The following DGKB variants were observed in gnomAD, a reference collection of about 807,000 sequenced individuals.
The protein encoded by DGKB is diacylglycerol kinase beta, also known as 90 kDa diacylglycerol kinase.
DGKB carries 67 observed loss-of-function variants against 114.3 expected under a neutral mutation model. The observed-to-expected ratio is 0.59, with a 90% CI of 0.48 to 0.72. The LOEUF (loss-of-function observed/expected upper bound fraction) is 0.72, where lower values mean the gene tolerates loss of function less well. Ranked by LOEUF, DGKB falls within the 30% of genes least tolerant of loss-of-function variation. DGKB has a pLI of 0.00. For synonymous variants in DGKB, 398 were observed against 323.1 expected (o/e 1.23, Z -2.49); for missense variants, 907 against 975.2 (o/e 0.93, Z 0.93).
rs147922240 is a variant in DGKB at position 14,954,205 on chromosome 7, G to A, written c.-188+20491C>T. 5.3e-5 allele frequency among the ~76,000 whole-genome samples: 8 copies of A among 152,118 alleles called. No homozygotes were observed. The East Asian group carries it at 9.7e-4, about 18-fold the overall frequency. On this transcript the variant is annotated intron_variant, in intron 1 of 4. Transcript: ENST00000437998. ...GTCTTCTCTACCTTCAAACTGAATG[G>A]TTCATTCCGTGCTGAGATTCTGCAT...
At chr7:14,400,224 T>C (rs1029426616) in intron 21 of DGKB, among the ~76,000 whole-genome samples, 2 of 151,846 alleles carry the variant, frequency 1.3e-5, no homozygotes, top group African/African-American at 4.8e-5. Context: ...TAATGCATGT[T>C]CAGTAAATAG....
At chr7:14,862,106 T>C (rs1851063264) in intron 1 of DGKB, among the ~76,000 whole-genome samples, 1 of 152,020 alleles carries the variant, frequency 6.6e-6, no homozygotes, top group South Asian at 2.1e-4. Context: ...CCTTAACTAT[T>C]AATGAACTTG....
At chr7:14,948,913 G>T (rs11980918) in intron 1 of DGKB, among the ~76,000 whole-genome samples, 10,264 of 151,552 alleles carry the variant, frequency 0.068, 1,149 homozygotes, top group African/African-American at 0.23. Context: ...TATGCCAAAA[G>T]ATTTGCATTT....
intron 25 of DGKB, 28 bp from the exon 26 acceptor site, chr7:14,149,266 G>C: frequency 1.4e-6 from 2 of 1,446,040 alleles, no homozygotes; most frequent in Non-Finnish European, 1.9e-6. Context: ...GAGAGAGAGA[G>C]AAAGAATAGA....
intron 23 of DGKB, among the ~76,000 whole-genome samples, chr7:14,204,657 A>G (rs1786463194): frequency 6.6e-6 from 1 of 152,034 alleles, no homozygotes; most frequent in Non-Finnish European, 1.5e-5. Flanking sequence ...GTGCCTAGTC[A>G]ACTGGCTAAA....
In DGKB at chr7:14,753,837, G is replaced by A. The variant is rs1834464736; in HGVS notation, c.168+91C>T. The A allele has an allele frequency of 8.4e-6, 7 of 831,982 alleles. No homozygotes were observed. In the South Asian group the frequency reaches 8.8e-5, roughly 11 times the overall value. The allele number at this position is 831,982 out of a possible 1,614,324, so 51.5% of individuals were successfully genotyped here. A position where few individuals can be genotyped will look rare whatever the true frequency, so the allele number is the denominator to read the frequency against. On this transcript the variant is annotated intron_variant, in intron 4 of 25. Transcript: ENST00000402815. Reference sequence around the variant, plus strand: ...CTATAGAAATCATATTGGTACAGAAGTATAGTTCAGTGATATGGATGAGAA... The same window carrying A: ...CTATAGAAATCATATTGGTACAGAAATATAGTTCAGTGATATGGATGAGAA...
At chr7:14,862,331 CTT>C (rs1329204913) in intron 1 of DGKB, among the ~76,000 whole-genome samples, 1 of 152,042 alleles carries the variant, frequency 6.6e-6, no homozygotes, top group Non-Finnish European at 1.5e-5. Flanking sequence ...ATGTTACCCT[CTT>C]ATCAAATTTC....
chr7:14,555,755 C>T (rs1414368738), intron 20 of DGKB, among the ~76,000 whole-genome samples: 3 of 152,168 alleles, frequency 2.0e-5, no homozygotes, highest in African/African-American at 7.2e-5. Flanking sequence ...CCAAAACCCA[C>T]CAAAACCAAG....
chr7:14,815,558 G>T (rs920171977), intron 2 of DGKB, among the ~76,000 whole-genome samples: 2 of 152,126 alleles, frequency 1.3e-5, no homozygotes, highest in African/African-American at 4.8e-5. Flanking sequence ...TTACATAGGT[G>T]CTATGGCACA....
chr7:14,869,509 G>A (rs967092746), intron 1 of DGKB, among the ~76,000 whole-genome samples: 2 of 151,852 alleles, frequency 1.3e-5, no homozygotes, highest in Non-Finnish European at 2.9e-5. Context: ...GTGCTATCAT[G>A]GTATTTTTTA....
chr7:14,643,429 G>T (rs189585357), intron 13 of DGKB, among the ~76,000 whole-genome samples: 2 of 152,240 alleles, frequency 1.3e-5, no homozygotes, highest in East Asian at 1.9e-4. Context: ...TTATTTTGAG[G>T]GAAGAACCAT....
chr7:14,603,329 T>C (rs1004038233), intron 17 of DGKB, among the ~76,000 whole-genome samples: 1 of 152,106 alleles, frequency 6.6e-6, no homozygotes, highest in African/African-American at 2.4e-5. Flanking sequence ...AAATTTTTTA[T>C]TTTTGAAATT....
At chr7:14,717,106 T>G (rs1828322852) in intron 6 of DGKB, among the ~76,000 whole-genome samples, 1 of 152,206 alleles carries the variant, frequency 6.6e-6, no homozygotes, top group Non-Finnish European at 1.5e-5. Context: ...GAGTCAACAT[T>G]CTATCTGCAA....
intron 13 of DGKB, among the ~76,000 whole-genome samples, chr7:14,647,282 G>C (rs968011643): frequency 1.3e-5 from 2 of 151,890 alleles, no homozygotes; most frequent in African/African-American, 4.8e-5. Context: ...AATCTGAACA[G>C]ACCAATTACA....
rs148482669 is a variant in DGKB, at chr7:14,585,649, T to C, written c.1434-2512A>G. On this transcript the variant is annotated intron_variant, in intron 17 of 25. Transcript: ENST00000402815. ...CATACCTCATTGTATTACTCTTTAT[T>C]GAGTTTAGCAGATACTGCATTTTTT... Among the ~76,000 whole-genome samples, 589 of 152,320 alleles carry C rather than the reference T, an allele frequency of 3.9e-3. 4 individuals are homozygous for C. The highest frequency in any genetic ancestry group is 5.6e-3 in the South Asian group (27 of 4,824).
At chr7:14,940,343 CTT>C (rs35621459) in intron 1 of DGKB, among the ~76,000 whole-genome samples, 38 of 145,824 alleles carry the variant, frequency 2.6e-4, no homozygotes, top group South Asian at 1.1e-3. Context: ...GTCTTCAAGC[CTT>C]TTTTTTTTTT....
At chr7:14,609,897 A>G (rs1260870530) in intron 16 of DGKB, among the ~76,000 whole-genome samples, 2 of 152,148 alleles carry the variant, frequency 1.3e-5, no homozygotes, top group Admixed American at 1.3e-4. Flanking sequence ...CTGCAAAGAA[A>G]AGGAAATGCC....
At chr7:14,300,848 G>C (rs1803423596) in intron 23 of DGKB, among the ~76,000 whole-genome samples, 1 of 152,008 alleles carries the variant, frequency 6.6e-6, no homozygotes, top group Non-Finnish European at 1.5e-5. Flanking sequence ...ATTTCAACTA[G>C]AGCAAATGGC....
At chr7:14,954,323 C>T (rs1441502246) in intron 1 of DGKB, among the ~76,000 whole-genome samples, 4 of 152,032 alleles carry the variant, frequency 2.6e-5, no homozygotes, top group Non-Finnish European at 4.4e-5. Context: ...CAGGTGAGCA[C>T]TGAAGATGAA....
Sources: gnomAD v4.1 joint callset for allele counts (sites outside exome capture counted in the v4.1 genomes callset) on GRCh38, gnomAD v4.1.1 for gene constraint, MANE v1.5 for transcripts, NCBI Gene and HGNC (gene_info 2026-07-23, HGNC 2026-07-21) for gene names.